The following WDR41 variants were observed in gnomAD, a reference collection of about 807,000 sequenced individuals.
WDR41 encodes WD repeat domain 41, also known as WD repeat-containing protein 41.
In WDR41, 63 loss-of-function variants were observed where a neutral mutation model predicts 69.3. The observed-to-expected ratio is 0.91, with a 90% CI of 0.74 to 1.12. WDR41 has a LOEUF of 1.12. Ranked by LOEUF, WDR41 falls within the 50% of genes most tolerant of loss-of-function variation. The pLI is 0.00. For synonymous variants in WDR41, 185 were observed against 192.1 expected, an observed-to-expected ratio of 0.96 and a Z score of 0.31; for missense variants, 543 against 534.5, an observed-to-expected ratio of 1.02 and a Z score of -0.16.
chr5:77,499,659 A>C (rs554862642), intron 1 of WDR41: 1 of 152,366 alleles, frequency 6.6e-6, no homozygotes, highest in Admixed American at 6.5e-5. Flanking sequence ...GGTTTCCAAA[A>C]AGGGAAACCC....
chr5:77,547,423 T>C (rs1743218017), intron 1 of WDR41, among the ~76,000 whole-genome samples: 1 of 151,942 alleles, frequency 6.6e-6, no homozygotes, highest in Admixed American at 6.5e-5. Flanking sequence ...TTCAGCAAAG[T>C]TTCTGGATAC....
At chr5:77,608,011 T>C (rs1401227145) in intron 1 of WDR41, among the ~76,000 whole-genome samples, 1 of 152,178 alleles carries the variant, frequency 6.6e-6, no homozygotes, top group Non-Finnish European at 1.5e-5. Flanking sequence ...TACAGTTCAA[T>C]GGCAGCCATC....
At chr5:77,440,104 C>T (rs944917921) in intron 9 of WDR41, among the ~76,000 whole-genome samples, 6 of 152,046 alleles carry the variant, frequency 3.9e-5, no homozygotes, top group East Asian at 1.9e-4. Context: ...ATAAAAATAA[C>T]GTGCATGCCG....
At chr5:77,437,472 G>C in intron 10 of WDR41, 48 bp from the exon 11 acceptor site, 1 of 1,493,688 alleles carries the variant, frequency 6.7e-7, no homozygotes, top group Non-Finnish European at 9.3e-7. Context: ...ACCACTGAGG[G>C]CCAATGCTAA....
chr5:77,463,079 C>A lies in WDR41; in HGVS notation c.348+16G>T. 2 of 1,609,258 alleles carry A rather than the reference C, an allele frequency of 1.2e-6. No individual in the cohort carries two copies. Among genetic ancestry groups the A allele is most frequent in the Non-Finnish European group, 1.7e-6 (2 of 1,178,174 alleles). On this transcript the variant is annotated intron_variant, in intron 4 of 12. Coordinates refer to ENST00000296679, the MANE Select transcript of WDR41 (RefSeq NM_018268.4). The stretch of plus-strand genomic sequence containing the variant: ...GGCCACTACAGCTTGTTCATTTCTT[C>A]CAGATTAAAGGATACAATAACTGTT...
chr5:77,568,217 C>G (rs995596712), intron 1 of WDR41, among the ~76,000 whole-genome samples: 1 of 152,092 alleles, frequency 6.6e-6, no homozygotes, highest in Admixed American at 6.6e-5. Context: ...TACTGTCCAG[C>G]CAGAATACTA....
chr5:77,538,975 A>C (rs1057412133), intron 1 of WDR41, among the ~76,000 whole-genome samples: 1 of 152,168 alleles, frequency 6.6e-6, no homozygotes, highest in Non-Finnish European at 1.5e-5. Flanking sequence ...ATTTCTCACA[A>C]ATCTGCAGGC....
chr5:77,449,226 C>G (rs1412154554), intron 8 of WDR41, among the ~76,000 whole-genome samples: 1 of 123,658 alleles, frequency 8.1e-6, no homozygotes, highest in Non-Finnish European at 1.6e-5. Flanking sequence ...TACAGCAGGT[C>G]AAAACCCCCA....
At chr5:77,548,749 A>C (rs1342625669) in intron 1 of WDR41, among the ~76,000 whole-genome samples, 1 of 152,214 alleles carries the variant, frequency 6.6e-6, no homozygotes, top group Non-Finnish European at 1.5e-5. Context: ...AAGTAGAACT[A>C]CCATTTGATC....
chr5:77,562,294 A>G (rs1314396485), intron 1 of WDR41, among the ~76,000 whole-genome samples: 1 of 152,220 alleles, frequency 6.6e-6, no homozygotes, highest in Non-Finnish European at 1.5e-5. Flanking sequence ...TGAGTTTTCT[A>G]CATGTGAATG....
chr5:77,561,934 T>C (rs947094439), intron 1 of WDR41, among the ~76,000 whole-genome samples: 1 of 152,190 alleles, frequency 6.6e-6, no homozygotes, highest in Admixed American at 6.5e-5. Flanking sequence ...TTTCCAAAAA[T>C]TACCTCCAGC....
At chr5:77,453,977 A>G (rs778171181) in intron 5 of WDR41, 49 bp from the exon 6 acceptor site, 4 of 1,423,672 alleles carry the variant, frequency 2.8e-6, no homozygotes, top group Non-Finnish European at 4.0e-6. Context: ...TTAAGCAGTC[A>G]TTGTTCAGTG....
intron 7 of WDR41, among the ~76,000 whole-genome samples, chr5:77,450,810 C>A (rs777894054): frequency 6.6e-6 from 1 of 152,174 alleles, no homozygotes; most frequent in Non-Finnish European, 1.5e-5. Context: ...TTTTCTTTCT[C>A]ACATTTCTCT....
At chr5:77,614,347 G>A (rs1166721865) in intron 1 of WDR41, among the ~76,000 whole-genome samples, 1 of 151,786 alleles carries the variant, frequency 6.6e-6, no homozygotes, top group Admixed American at 6.6e-5. Context: ...ACATGCACAT[G>A]TATGTTTATT....
chr5:77,433,340 C>CT, intron 12 of WDR41, 53 bp from the exon 13 acceptor site: 1 of 1,542,774 alleles, frequency 6.5e-7, no homozygotes. Flanking sequence ...AGAGAAGTGT[C>CT]TAATACCACA....
intron 4 of WDR41, among the ~76,000 whole-genome samples, chr5:77,461,504 A>G (rs758113506): frequency 2.0e-5 from 3 of 152,242 alleles, no homozygotes; most frequent in Non-Finnish European, 2.9e-5. Context: ...CCAATGCTTG[A>G]AAGTGTTTAC....
intron 9 of WDR41, among the ~76,000 whole-genome samples, chr5:77,438,710 A>T: frequency 6.6e-6 from 1 of 152,162 alleles, no homozygotes; most frequent in Non-Finnish European, 1.5e-5. Context: ...TTTTCATTTA[A>T]ATAACACTAT....
chr5:77,540,906 G>T (rs1177717365), intron 1 of WDR41, among the ~76,000 whole-genome samples: 4 of 152,218 alleles, frequency 2.6e-5, no homozygotes, highest in Non-Finnish European at 2.9e-5. Context: ...GTTTCAAATT[G>T]GCAGAGGAAA....
At chr5:77,458,071 G>A (rs1420838379) in intron 5 of WDR41, among the ~76,000 whole-genome samples, 2 of 151,940 alleles carry the variant, frequency 1.3e-5, no homozygotes, top group African/African-American at 4.8e-5. Flanking sequence ...TAGTTTTTCA[G>A]GTAGCAAGAA....
Sources: gnomAD v4.1 joint callset for allele counts (sites outside exome capture counted in the v4.1 genomes callset) on GRCh38, gnomAD v4.1.1 for gene constraint, MANE v1.5 for transcripts, NCBI Gene and HGNC (gene_info 2026-07-23, HGNC 2026-07-21) for gene names.